NOP9: variants seen among roughly 807,000 people sequenced by gnomAD.
The protein encoded by NOP9 is NOP9 nucleolar protein, also known as nucleolar protein 9.
Under a neutral mutation model 63.0 loss-of-function variants are expected in NOP9, and 50 were observed. The observed-to-expected ratio is 0.79, with a 90% confidence interval of 0.63 to 1.00. The LOEUF (loss-of-function observed/expected upper bound fraction) is 1.00. NOP9 is among the 50% of genes least tolerant of loss of function. The pLI is 0.00. For synonymous variants in NOP9, 343 were observed against 332.8 expected (o/e 1.03, Z -0.33); for missense variants, 758 against 803.0 (o/e 0.94, Z 0.68).
At position 24,306,506 on chromosome 14, in the gene NOP9, C is replaced by G. The variant is rs549874139; in HGVS notation, c.*1411C>G. On this transcript the variant is annotated 3_prime_UTR_variant, in exon 10 of 10. Coordinates refer to ENST00000267425, the MANE Select transcript of NOP9 (RefSeq NM_174913.3). ...GCACCAGGGTTAGCACTCCATTCAG[C>G]AGTAGGGTCTCCAATGCCTGCCCAA... is the stretch of plus-strand genomic sequence containing the variant. 3 of 1,614,248 alleles carry G rather than the reference C, an allele frequency of 1.9e-6. No homozygotes were observed. The highest frequency in any genetic ancestry group is 1.3e-5 in the African/African-American group (1 of 75,070).
the NOP9 span, chr14:24,292,384 C>T: frequency 1.9e-6 from 3 of 1,606,498 alleles, no homozygotes; most frequent in Admixed American, 3.3e-5. Flanking sequence ...CACTTTCCTG[C>T]CCTGCCCTCT....
rs80170253 is a variant in NOP9 at position 24,307,936 on chromosome 14, C to G, written c.*2841C>G. The G allele has an allele frequency of 1.3e-3, 1,647 of 1,317,310 alleles. 22 individuals are homozygous for G. The African/African-American group carries it at 0.021, about 17-fold the overall frequency. The allele number at this position is 1,317,310 out of a possible 1,614,324, so 81.6% of individuals were successfully genotyped here. A position where few individuals can be genotyped will look rare whatever the true frequency, so the allele number is the denominator to read the frequency against. ...TGTGCTGGGGCTTTAGTGGTGTTTT[C>G]TGTTACAAACCTGGGATCTCAGCCC... On this transcript the variant is annotated 3_prime_UTR_variant, in exon 10 of 10. Transcript: ENST00000267425.
chr14:24,271,735 CGTGTGAAAT>C, the NOP9 span: 2 of 152,180 alleles, frequency 1.3e-5, no homozygotes, highest in Non-Finnish European at 2.9e-5. Flanking sequence ...CTGTAGCGTG[CGTGTGAAAT>C]GGGGGGAGGA....
rs2041349916 is a variant in NOP9 at position 24,300,450 on chromosome 14, C to T, written c.290C>T (p.Ala97Val). 3 of 1,614,088 alleles carry T rather than the reference C, an allele frequency of 1.9e-6. No individual in the cohort carries two copies. Among genetic ancestry groups the T allele is most frequent in the Middle Eastern group, 1.6e-4 (1 of 6,062 alleles). Residue 97 changes from alanine to valine, a missense_variant, in exon 2 of 10, where the codon GCC (alanine) becomes GTC (valine). Physicochemically the swap from Ala to Val is moderately conservative, Grantham distance 64. Transcript: ENST00000267425. Reference protein sequence around the residue: ...HNIMKEVETQALALSTNRTGS... With the variant: ...HNIMKEVETQVLALSTNRTGS... ...ATAATGAAGGAAGTAGAGACTCAGGCCCTAGCTTTGTCCACGAACAGGACT... is the reference window on the plus strand; with the variant it reads ...ATAATGAAGGAAGTAGAGACTCAGGTCCTAGCTTTGTCCACGAACAGGACT...
rs4247001 is a variant in NOP9 at position 24,302,050 on chromosome 14, T to C, written c.894T>C (p.His298=). The C allele has an allele frequency of 0.95, 1,540,704 of 1,613,980 alleles. 736,040 individuals carry two copies. Among genetic ancestry groups the C allele is most frequent in the Non-Finnish European group, 0.96 (1,137,231 of 1,179,940 alleles). Residue 298 remains histidine (H), a synonymous_variant, in exon 4 of 10, where the codon CAT becomes CAC. Coordinates refer to ENST00000267425, the MANE Select transcript of NOP9 (RefSeq NM_174913.3). ...LHRKLPQFCA[H]LCNAVIGYLS... ...GCAAACTTCCCCAGTTTTGCGCTCA[T>C]CTCTGCAATGCTGTGATTGGCTACC...
upstream of NOP9, chr14:24,298,860 T>C: frequency 7.6e-7 from 1 of 1,315,350 alleles, no homozygotes; most frequent in Non-Finnish European, 1.0e-6. Flanking sequence ...TGTTGAGTAG[T>C]ATTATAGTTT....
rs976372305 is a variant in NOP9 at position 24,300,942 on chromosome 14, T to C, written c.697+85T>C. 3.6e-6 allele frequency: 4 copies of C among 1,107,300 alleles called. No homozygotes were observed. The African/African-American group carries it at 6.3e-5, about 17-fold the overall frequency. 68.6% of individuals were successfully genotyped at this position (1,107,300 alleles called of 1,614,324 possible). ...GAGACAGTAAACAGAAGAGTAAGTC[T>C]TCATGGGGGAGCTTGACCGGGAAGA... On this transcript the variant is annotated intron_variant, in intron 2 of 9. Transcript: ENST00000267425.
rs1224424073 is a variant in NOP9, at chr14:24,308,034, GGGGAGGGATGA to G, written c.*2947_*2957del. On this transcript the variant is annotated 3_prime_UTR_variant, in exon 10 of 10. Transcript: ENST00000267425. Reference sequence around the variant, plus strand: ...GGCCAGTAAGAAGGGCAAAGTCCAAGGGGAGGGATGAGGGAGGGGCCAGATGGGGTCCTGGA... The same window carrying G: ...GGCCAGTAAGAAGGGCAAAGTCCAAGGGGAGGGGCCAGATGGGGTCCTGGA... 7 of 644,368 alleles carry G rather than the reference GGGGAGGGATGA, an allele frequency of 1.1e-5. No individual in the cohort carries two copies. Among genetic ancestry groups the G allele is most frequent in the Non-Finnish European group, 2.0e-5 (7 of 355,002 alleles). The allele number at this position is 644,368 out of a possible 1,614,324, so 39.9% of individuals were successfully genotyped here. A position where few individuals can be genotyped will look rare whatever the true frequency, so the allele number is the denominator to read the frequency against.
Position 24,307,379 on chromosome 14 carries a change from G to C in NOP9, c.*2284G>C, listed in dbSNP as rs1483783615. The C allele has an allele frequency of 6.2e-7, 1 of 1,613,436 alleles. No individual in the cohort carries two copies. Among genetic ancestry groups the C allele is most frequent in the Admixed American group, 1.7e-5 (1 of 59,920 alleles). ...GAACTTGGCCTACTTACTTTGGCTA[G>C]CAGCTCCTGGCGGGTGGCAGCTGTC... is the stretch of plus-strand genomic sequence containing the variant. On this transcript the variant is annotated 3_prime_UTR_variant, in exon 10 of 10. Coordinates refer to ENST00000267425, the MANE Select transcript of NOP9 (RefSeq NM_174913.3).
At position 24,306,863 on chromosome 14, in the gene NOP9, C is replaced by A. The variant is rs953778480; in HGVS notation, c.*1768C>A. On this transcript the variant is annotated 3_prime_UTR_variant, in exon 10 of 10. Transcript: ENST00000267425. ...CAATGCTGCACCTCACTTCCCACAC[C>A]CTCAAGAGTTCTCCAGAAGTGTTTT... 5.5e-6 allele frequency: 2 copies of A among 366,042 alleles called. No individual in the cohort carries two copies. The highest frequency in any genetic ancestry group is 1.0e-5 in the Non-Finnish European group (2 of 194,692). The allele number at this position is 366,042 out of a possible 1,614,324, so 22.7% of individuals were successfully genotyped here.
chr14:24,280,057 C>G, the NOP9 span, among the ~76,000 whole-genome samples: 1 of 152,154 alleles, frequency 6.6e-6, no homozygotes, highest in Non-Finnish European at 1.5e-5. Context: ...ATTCATCCAT[C>G]CAACAAATAC....
At chr14:24,272,507 A>G in the NOP9 span, among the ~76,000 whole-genome samples, 1 of 152,106 alleles carries the variant, frequency 6.6e-6, no homozygotes, top group African/African-American at 2.4e-5. Flanking sequence ...CAAACTCCGA[A>G]TTTCTTCTCC....
chr14:24,276,094 G>A, the NOP9 span, among the ~76,000 whole-genome samples: 3 of 151,454 alleles, frequency 2.0e-5, no homozygotes, highest in African/African-American at 4.9e-5. Flanking sequence ...TTTTGGCCAC[G>A]GGCCAGCTGT....
the NOP9 span, among the ~76,000 whole-genome samples, chr14:24,273,809 T>A: frequency 6.6e-6 from 1 of 152,222 alleles, no homozygotes; most frequent in African/African-American, 2.4e-5. Context: ...CTTTGCCACT[T>A]GCTTGTCCCA....
At chr14:24,297,876 G>A (rs2041280821), upstream of NOP9, among the ~76,000 whole-genome samples, 1 of 151,982 alleles carries the variant, frequency 6.6e-6, no homozygotes, top group African/African-American at 2.4e-5. Context: ...CCTCCTCCAG[G>A]ACGCTTTCCC....
At chr14:24,271,845 C>T in the NOP9 span, 1 of 152,170 alleles carries the variant, frequency 6.6e-6, no homozygotes, top group Admixed American at 6.5e-5. Context: ...CTCCACTGAC[C>T]TCACCCTGGC....
At position 24,306,272 on chromosome 14, in the gene NOP9, C is replaced by A. The variant is rs946140820; in HGVS notation, c.*1177C>A. 2.3e-5 allele frequency: 35 copies of A among 1,546,928 alleles called. No homozygotes were observed. Among genetic ancestry groups the A allele is most frequent in the Non-Finnish European group, 3.0e-5 (34 of 1,128,676 alleles). ...TGACATCCTTGACAATTCCACAACT[C>A]CTCCTGCACCTGGTCCCCAGGATCA... On this transcript the variant is annotated 3_prime_UTR_variant, in exon 10 of 10. Coordinates refer to ENST00000267425, the MANE Select transcript of NOP9 (RefSeq NM_174913.3).
chr14:24,281,133 C>A, the NOP9 span, among the ~76,000 whole-genome samples: 1 of 152,156 alleles, frequency 6.6e-6, no homozygotes, highest in Admixed American at 6.5e-5. Context: ...CCTGGAGTAG[C>A]CCTACAGAGG....
In NOP9 at chr14:24,300,528, G is replaced by T. The variant is rs760394858; in HGVS notation, c.368G>T (p.Cys123Phe). 6.2e-7 allele frequency: 1 copy of T among 1,614,134 alleles called. No individual in the cohort carries two copies. Among genetic ancestry groups the T allele is most frequent in the Non-Finnish European group, 8.5e-7 (1 of 1,180,054 alleles). ...GGATTCAGTCCCTTGAAACCGCTTT[G>T]TCGCGTGTGGGCTGCTCTGCGCTCT... is the stretch of plus-strand genomic sequence containing the variant. ...LLGFSPLKPL[C>F]RVWAALRSNL... Residue 123 changes from cysteine (C) to phenylalanine (F), a missense_variant, in exon 2 of 10, where the codon TGT becomes TTT. By Grantham distance (205) the Cys-to-Phe change is radical. Coordinates refer to ENST00000267425, the MANE Select transcript of NOP9 (RefSeq NM_174913.3).
Sources: gnomAD v4.1 joint callset for allele counts (sites outside exome capture counted in the v4.1 genomes callset) on GRCh38, gnomAD v4.1.1 for gene constraint, MANE v1.5 for transcripts, NCBI Gene and HGNC (gene_info 2026-07-23, HGNC 2026-07-21) for gene names.